The following FOXP1 variants were observed in gnomAD, a reference collection of about 807,000 sequenced individuals.
FOXP1 encodes the protein forkhead box protein P1.
FOXP1 carries 15 observed loss-of-function variants against 98.2 expected under a neutral mutation model. The observed-to-expected ratio is 0.15, with a 90% CI of 0.10 to 0.24. FOXP1 has a LOEUF of 0.24. Ranked by LOEUF, FOXP1 falls within the 10% of genes least tolerant of loss-of-function variation. The pLI, the probability that FOXP1 is intolerant of heterozygous loss-of-function variation, is 1.00. For missense variants in FOXP1, 633 were observed against 848.5 expected, an observed-to-expected ratio of 0.75 and a Z score of 3.15; for synonymous variants, 371 against 314.5, an observed-to-expected ratio of 1.18 and a Z score of -1.90.
chr3:71,090,616 C>T (rs915435513), intron 7 of FOXP1, among the ~76,000 whole-genome samples: 1 of 152,126 alleles, frequency 6.6e-6, no homozygotes, highest in Non-Finnish European at 1.5e-5. Flanking sequence ...ACTATAATGT[C>T]AAATAAAAAA....
At chr3:71,330,930 T>C (rs1352702000) in intron 4 of FOXP1, among the ~76,000 whole-genome samples, 2 of 152,234 alleles carry the variant, frequency 1.3e-5, no homozygotes, top group Non-Finnish European at 2.9e-5. Context: ...CCAGGCACAG[T>C]GGCTCCCACC....
intron 9 of FOXP1, among the ~76,000 whole-genome samples, chr3:71,047,573 C>A (rs896817455): frequency 6.6e-6 from 1 of 152,152 alleles, no homozygotes; most frequent in Admixed American, 6.5e-5. Flanking sequence ...AAAAATCAGA[C>A]CTTTGAAGAA....
intron 6 of FOXP1, among the ~76,000 whole-genome samples, chr3:71,168,045 T>G (rs72951385): frequency 0.025 from 3,794 of 152,288 alleles, 163 homozygotes; most frequent in African/African-American, 0.087. Flanking sequence ...TAATTTTAAT[T>G]AAGACGCATT....
At chr3:71,247,184 G>A (rs2067818363) in intron 5 of FOXP1, among the ~76,000 whole-genome samples, 1 of 152,130 alleles carries the variant, frequency 6.6e-6, no homozygotes, top group African/African-American at 2.4e-5. Flanking sequence ...TTTTCATTAT[G>A]TATTATTCCA....
chr3:71,340,569 TG>T (rs2076953654), intron 4 of FOXP1, among the ~76,000 whole-genome samples: 1 of 152,182 alleles, frequency 6.6e-6, no homozygotes. Flanking sequence ...TTTTTTCCCA[TG>T]GAACATGTTT....
chr3:71,508,250 C>A (rs1376555868), intron 2 of FOXP1, among the ~76,000 whole-genome samples: 3 of 152,168 alleles, frequency 2.0e-5, no homozygotes, highest in Admixed American at 2.0e-4. Context: ...TTTATTCTAG[C>A]TTTGATTTGG....
chr3:71,122,803 G>A (rs150785152), intron 6 of FOXP1, among the ~76,000 whole-genome samples: 10 of 152,178 alleles, frequency 6.6e-5, no homozygotes, highest in African/African-American at 2.4e-4. Context: ...AAACAAAAAC[G>A]AACAAAACAT....
intron 5 of FOXP1, among the ~76,000 whole-genome samples, chr3:71,222,750 C>T (rs1329976895): frequency 1.3e-5 from 2 of 152,170 alleles, no homozygotes; most frequent in Non-Finnish European, 2.9e-5. Context: ...CTCAAGGTCC[C>T]CTTGCCCTCC....
At position 70,958,421 on chromosome 3, in the gene FOXP1, G is replaced by A. The variant is rs897315599; in HGVS notation, c.*826C>T. The A allele has an allele frequency of 6.5e-6, 3 of 459,388 alleles. No homozygotes were observed. Among genetic ancestry groups the A allele is most frequent in the African/African-American group, 4.0e-5 (2 of 50,596 alleles). The allele number at this position is 459,388 out of a possible 1,614,324, so 28.5% of individuals were successfully genotyped here. On this transcript the variant is annotated 3_prime_UTR_variant, in exon 21 of 21. Coordinates refer to ENST00000649528, the MANE Select transcript of FOXP1 (RefSeq NM_001349338.3). ...GGACCTTTTTGAAAAAGACCAAAAC[G>A]GAATGTTTTCTGACTTTAGAGAAAC...
At chr3:71,206,417 A>T (rs760122310) in intron 5 of FOXP1, among the ~76,000 whole-genome samples, 2 of 152,212 alleles carry the variant, frequency 1.3e-5, no homozygotes, top group Non-Finnish European at 2.9e-5. Flanking sequence ...AACCCATTGG[A>T]AACACTGAAT....
chr3:71,471,183 A>G (rs2089306364), intron 3 of FOXP1, among the ~76,000 whole-genome samples: 1 of 152,156 alleles, frequency 6.6e-6, no homozygotes, highest in Non-Finnish European at 1.5e-5. Flanking sequence ...TGCTCTTATG[A>G]GGTTTACACC....
At chr3:71,268,749 T>C (rs113181049) in intron 5 of FOXP1, among the ~76,000 whole-genome samples, 5,722 of 152,230 alleles carry the variant, frequency 0.038, 146 homozygotes, top group South Asian at 0.062. Flanking sequence ...CAAAGGGCGG[T>C]TATCGCTGGT....
intron 2 of FOXP1, among the ~76,000 whole-genome samples, chr3:71,511,321 C>T (rs1194447565): frequency 6.6e-6 from 1 of 152,094 alleles, no homozygotes. Context: ...CCAGACACAA[C>T]AAACCACAGT....
At chr3:71,499,039 T>C (rs1045685422) in intron 2 of FOXP1, among the ~76,000 whole-genome samples, 4 of 152,180 alleles carry the variant, frequency 2.6e-5, no homozygotes, top group East Asian at 3.8e-4. Context: ...ATGCATTGGA[T>C]GGTTTCCATC....
At position 71,263,409 on chromosome 3, in the gene FOXP1, C is replaced by T. The variant is rs372948049; in HGVS notation, c.-12+36411G>A. On this transcript the variant is annotated intron_variant, in intron 5 of 20. Coordinates refer to ENST00000649528, the MANE Select transcript of FOXP1 (RefSeq NM_001349338.3). ...TTTTTATTGTTCTGTTGTTGCTTATCTTGAATTTTGCTGTCTACTCAGGCT... is the reference window on the plus strand; with the variant it reads ...TTTTTATTGTTCTGTTGTTGCTTATTTTGAATTTTGCTGTCTACTCAGGCT... Among the ~76,000 whole-genome samples the T allele has an allele frequency of 9.8e-5, 15 of 152,288 alleles. No individual in the cohort carries two copies. The East Asian group carries it at 2.5e-3, about 25-fold the overall frequency.
At chr3:71,107,643 C>A (rs995807144) in intron 7 of FOXP1, among the ~76,000 whole-genome samples, 1 of 152,102 alleles carries the variant, frequency 6.6e-6, no homozygotes, top group Non-Finnish European at 1.5e-5. Flanking sequence ...CCTAAATTAT[C>A]CTCCTTACTA....
chr3:71,178,613 G>A (rs996483186), intron 6 of FOXP1, among the ~76,000 whole-genome samples: 5 of 151,964 alleles, frequency 3.3e-5, no homozygotes, highest in Non-Finnish European at 5.9e-5. Flanking sequence ...GCCGGGTGCG[G>A]TGTCTCAAGC....
chr3:71,243,287 T>A (rs1404728760), intron 5 of FOXP1, among the ~76,000 whole-genome samples: 1 of 152,232 alleles, frequency 6.6e-6, no homozygotes, highest in African/African-American at 2.4e-5. Flanking sequence ...TCATTTTGGT[T>A]AAATACACTG....
At chr3:71,393,565 T>A (rs1217878880) in intron 3 of FOXP1, among the ~76,000 whole-genome samples, 1 of 152,200 alleles carries the variant, frequency 6.6e-6, no homozygotes, top group Non-Finnish European at 1.5e-5. Context: ...TTAAAAATAG[T>A]CTTTTCAAGC....
Sources: allele counts gnomAD v4.1 joint callset (sites outside exome capture counted in the v4.1 genomes callset), GRCh38; gene constraint gnomAD v4.1.1; transcripts MANE v1.5; gene names NCBI Gene and HGNC (gene_info 2026-07-23, HGNC 2026-07-21).